The following DCBLD1 variants were observed in gnomAD, a reference collection of about 807,000 sequenced individuals.
DCBLD1 encodes the protein discoidin, CUB and LCCL domain containing 1, also known as discoidin, CUB and LCCL domain-containing protein 1.
In DCBLD1, 57 loss-of-function variants were observed where a neutral mutation model predicts 71.5. The observed-to-expected ratio is 0.80, with a 90% CI of 0.64 to 0.99. The LOEUF is 0.99. Among genes scored for constraint, DCBLD1 ranks in the 50% least tolerant of loss-of-function variants. DCBLD1 has a pLI of 0.00. For synonymous variants in DCBLD1, 380 were observed against 363.8 expected (o/e 1.04, Z -0.51); for missense variants, 891 against 923.5 (o/e 0.96, Z 0.46).
At chr6:117,516,402 G>A (rs372928604) in intron 2 of DCBLD1, among the ~76,000 whole-genome samples, 134 of 151,850 alleles carry the variant, frequency 8.8e-4, no homozygotes, top group Middle Eastern at 3.4e-3. Context: ...AAGTAATTAC[G>A]TATGATGAGT....
intron 1 of DCBLD1, among the ~76,000 whole-genome samples, chr6:117,490,580 T>C (rs563136500): frequency 6.6e-6 from 1 of 152,336 alleles, no homozygotes; most frequent in Non-Finnish European, 1.5e-5. Flanking sequence ...AGTTTAAACA[T>C]ACTAAGTATC....
intron 1 of DCBLD1, among the ~76,000 whole-genome samples, chr6:117,483,700 G>T (rs1004049627): frequency 7.9e-6 from 1 of 127,296 alleles, no homozygotes. Flanking sequence ...ATTAATTAGT[G>T]CTTTTTTTTT....
intron 1 of DCBLD1, 100 bp downstream of exon 1, chr6:117,482,993 C>A (rs903395065): frequency 3.5e-6 from 3 of 868,318 alleles, no homozygotes; most frequent in Admixed American, 6.0e-5. Flanking sequence ...ACGGGGCGGG[C>A]CGGGCCTGGG....
At chr6:117,504,971 C>T (rs946074625) in intron 2 of DCBLD1, among the ~76,000 whole-genome samples, 1 of 152,206 alleles carries the variant, frequency 6.6e-6, no homozygotes, top group Non-Finnish European at 1.5e-5. Context: ...CCCAGAGTTG[C>T]TTCCTCATTC....
At chr6:117,505,921 C>T (rs1777827296) in intron 2 of DCBLD1, among the ~76,000 whole-genome samples, 1 of 152,148 alleles carries the variant, frequency 6.6e-6, no homozygotes, top group South Asian at 2.1e-4. Flanking sequence ...GGTTCTTGAG[C>T]TTTCAAGCTT....
At chr6:117,568,578 G>A (rs1292001517) in intron 14 of DCBLD1, among the ~76,000 whole-genome samples, 1 of 152,172 alleles carries the variant, frequency 6.6e-6, no homozygotes, top group South Asian at 2.1e-4. Context: ...AGCATTCTTA[G>A]ATCTCTCTTG....
chr6:117,548,017 G>T lies in DCBLD1; in HGVS notation c.1726G>T (p.Gly576Cys), dbSNP rs569460708. 2 of 1,550,380 alleles carry T rather than the reference G, an allele frequency of 1.3e-6. No individual in the cohort carries two copies. The highest frequency in any genetic ancestry group is 1.7e-6 in the Non-Finnish European group (2 of 1,146,872). The change falls in exon 15 of 15, where the codon GGC becomes TGC. Residue 576 changes from glycine to cysteine, a missense_variant. Transcript: ENST00000338728. ...GGCAGGGGTGAGCACCGATGCCGGC[G>T]GCCACTATGACTGCCCGCAGCGGGC... ...EEAGVSTDAG[G>C]HYDCPQRAGR...
chr6:117,493,284 A>C (rs1777357768), intron 1 of DCBLD1, among the ~76,000 whole-genome samples: 1 of 152,164 alleles, frequency 6.6e-6, no homozygotes, highest in Non-Finnish European at 1.5e-5. Context: ...GCATTTTGAC[A>C]AGATCCCCAG....
Position 117,540,972 on chromosome 6 carries a change from A to G in DCBLD1, c.1304A>G (p.Lys435Arg). Residue 435 changes from lysine (K) to arginine (R), a missense_variant, in exon 11 of 15, where the codon AAG (lysine) becomes AGG (arginine). By Grantham distance (26) the Lys-to-Arg change is conservative. Coordinates refer to ENST00000338728, the MANE Select transcript of DCBLD1 (RefSeq NM_001366458.2). ...AGTCAAAGCACCAGTGTTTCAACTA[A>G]GAAAGAAGATGAGACAATCACAAGG... is the stretch of plus-strand genomic sequence containing the variant. ...KTSQSTSVST[K>R]KEDETITRPI... 6.2e-7 allele frequency: 1 copy of G among 1,614,238 alleles called. No individual in the cohort carries two copies. Among genetic ancestry groups the G allele is most frequent in the Non-Finnish European group, 8.5e-7 (1 of 1,180,044 alleles).
intron 2 of DCBLD1, among the ~76,000 whole-genome samples, chr6:117,517,873 G>A (rs1778254881): frequency 6.6e-6 from 1 of 152,178 alleles, no homozygotes; most frequent in African/African-American, 2.4e-5. Context: ...TTCCTCCTAG[G>A]CCTCTGGGTC....
At chr6:117,501,338 T>C (rs573537390) in intron 1 of DCBLD1, among the ~76,000 whole-genome samples, 1 of 152,124 alleles carries the variant, frequency 6.6e-6, no homozygotes, top group South Asian at 2.1e-4. Flanking sequence ...TTGTCATTGT[T>C]GTTGTTGTTG....
intron 14 of DCBLD1, among the ~76,000 whole-genome samples, chr6:117,558,927 G>A (rs989665142): frequency 6.6e-6 from 1 of 152,192 alleles, no homozygotes; most frequent in African/African-American, 2.4e-5. Flanking sequence ...GAATACTCCT[G>A]ATATCCAAAT....
intron 14 of DCBLD1, among the ~76,000 whole-genome samples, chr6:117,565,006 A>G (rs1423422483): frequency 6.6e-6 from 1 of 152,196 alleles, no homozygotes; most frequent in African/African-American, 2.4e-5. Context: ...GAGGACTCCA[A>G]GAAGCTTCTG....
In DCBLD1 at chr6:117,491,276, T is replaced by C. The variant is rs73554843; in HGVS notation, c.112+8383T>C. On this transcript the variant is annotated intron_variant, in intron 1 of 14. Coordinates refer to ENST00000338728, the MANE Select transcript of DCBLD1 (RefSeq NM_001366458.2). ...TGAATTGCTTCCATTCTGAGGATTT[T>C]AGAATGGAGGCTGCTTATTTTGAGA... 5.8e-3 allele frequency among the ~76,000 whole-genome samples: 882 copies of C among 152,304 alleles called. 13 individuals carry two copies. The highest frequency in any genetic ancestry group is 0.02 in the African/African-American group (842 of 41,566).
At chr6:117,546,443 G>A (rs1423994707) in intron 14 of DCBLD1, among the ~76,000 whole-genome samples, 1 of 152,140 alleles carries the variant, frequency 6.6e-6, no homozygotes, top group African/African-American at 2.4e-5. Flanking sequence ...CCCAGGTGAC[G>A]CCTGTGCACA....
In DCBLD1 at chr6:117,548,556, A is replaced by ATG. The variant is rs199997471; in HGVS notation, c.*128_*129dup. On this transcript the variant is annotated 3_prime_UTR_variant, in exon 15 of 15. Transcript: ENST00000338728. Reference sequence around the variant, plus strand: ...TGTATCGGTGTGTGTGTACACTTGCATGTGTGTGTGTGATCCAGTAGGATC... The same window carrying ATG: ...TGTATCGGTGTGTGTGTACACTTGCATGTGTGTGTGTGTGATCCAGTAGGATC... 4 of 1,482,676 alleles carry ATG rather than the reference A, an allele frequency of 2.7e-6. No individual in the cohort carries two copies. Among genetic ancestry groups the ATG allele is most frequent in the Non-Finnish European group, 2.7e-6 (3 of 1,121,794 alleles). 91.8% of individuals were successfully genotyped at this position (1,482,676 alleles called of 1,614,324 possible).
intron 14 of DCBLD1, among the ~76,000 whole-genome samples, chr6:117,566,674 G>A (rs1779703646): frequency 6.6e-6 from 1 of 152,050 alleles, no homozygotes; most frequent in African/African-American, 2.4e-5. Context: ...GAATATAGAA[G>A]AACATATATG....
At chr6:117,512,665 C>G (rs1370847328) in intron 2 of DCBLD1, among the ~76,000 whole-genome samples, 3 of 152,132 alleles carry the variant, frequency 2.0e-5, no homozygotes, top group African/African-American at 7.2e-5. Context: ...TGTCTCCACC[C>G]ACATGTACTC....
At chr6:117,512,554 A>C (rs909584735) in intron 2 of DCBLD1, among the ~76,000 whole-genome samples, 43 of 152,218 alleles carry the variant, frequency 2.8e-4, no homozygotes, top group African/African-American at 1.0e-3. Flanking sequence ...TGGTGTTTGC[A>C]GCTTCAGCAT....
Sources: allele counts gnomAD v4.1 joint callset (sites outside exome capture counted in the v4.1 genomes callset), GRCh38; gene constraint gnomAD v4.1.1; transcripts MANE v1.5; gene names NCBI Gene and HGNC (gene_info 2026-07-23, HGNC 2026-07-21).